Variants in FNTB observed in about 807,000 individuals in gnomAD.
FNTB encodes the protein protein farnesyltransferase subunit beta.
A neutral mutation model predicts 59.4 loss-of-function variants in FNTB; 27 were observed. The observed-to-expected ratio is 0.45, with a 90% CI of 0.34 to 0.63. The LOEUF (loss-of-function observed/expected upper bound fraction) is 0.63. Among genes scored for constraint, FNTB ranks in the 20% least tolerant of loss-of-function variants. FNTB has a pLI of 0.02. For missense variants in FNTB, 449 were observed against 559.6 expected, an observed-to-expected ratio of 0.80 and a Z score of 1.99; for synonymous variants, 230 against 220.7, an observed-to-expected ratio of 1.04 and a Z score of -0.37.
chr14:65,048,666 A>G (rs1272163190), intron 9 of FNTB, among the ~76,000 whole-genome samples: 3 of 152,212 alleles, frequency 2.0e-5, no homozygotes, highest in Non-Finnish European at 4.4e-5. Context: ...CAGCCTGGGC[A>G]ATATAGTGAG....
intron 8 of FNTB, among the ~76,000 whole-genome samples, chr14:65,042,652 T>C (rs2062378269): frequency 6.6e-6 from 1 of 152,186 alleles, no homozygotes; most frequent in African/African-American, 2.4e-5. Context: ...CTCCCTTCCA[T>C]TTGCTTTGGG....
In FNTB at chr14:65,004,280, T is replaced by A; in HGVS notation, c.176T>A (p.Phe59Tyr). 1 of 1,613,374 alleles carries A rather than the reference T, an allele frequency of 6.2e-7. No homozygotes were observed. The highest frequency in any genetic ancestry group is 8.5e-7 in the Non-Finnish European group (1 of 1,179,592). Residue 59 changes from phenylalanine (F) to tyrosine (Y), a missense_variant, in exon 2 of 12, where the codon TTC (phenylalanine) becomes TAC (tyrosine). By Grantham distance (22) the Phe-to-Tyr change is conservative. Around this residue, in one of 2 missense-constraint regions of FNTB, gnomAD observed 112 missense variants for 80.5 expected, o/e 1.39. Coordinates refer to ENST00000246166, the MANE Select transcript of FNTB (RefSeq NM_002028.4). Reference protein sequence around the residue: ...AKVEEKIQEVFSSYKFNHLVP... With the variant: ...AKVEEKIQEVYSSYKFNHLVP... ...GTAGAAGAAAAGATCCAAGAGGTCT[T>A]CAGTTCTTACAAGTTCAACCACCTT...
chr14:64,993,752 C>T (rs1231834879), intron 1 of FNTB, among the ~76,000 whole-genome samples: 1 of 152,120 alleles, frequency 6.6e-6, no homozygotes, highest in African/African-American at 2.4e-5. Flanking sequence ...TAGATAGAAG[C>T]TGTGAAAGAG....
intron 9 of FNTB, among the ~76,000 whole-genome samples, chr14:65,051,671 A>G (rs2062614393): frequency 6.6e-6 from 1 of 151,978 alleles, no homozygotes; most frequent in Admixed American, 6.6e-5. Context: ...ATCTCTTTAT[A>G]GACTGTATCA....
rs371165186 is a variant in FNTB, at chr14:65,023,753, C to CA, written c.375-3696dup. 5.3e-5 allele frequency among the ~76,000 whole-genome samples: 8 copies of CA among 152,108 alleles called. No individual in the cohort carries two copies. The highest frequency in any genetic ancestry group is 1.9e-4 in the African/African-American group (8 of 41,420). On this transcript the variant is annotated intron_variant, in intron 4 of 11. Transcript: ENST00000246166. This position sits in a 1 kb window ranked among gnomAD's most constrained non-coding sequence, Gnocchi z 4.1. ...AGCACAGATGTATCTCATTGCTACT[C>CA]AAAATGTGGTCCCCAGACCAGGAGC...
rs540378712 is a variant in FNTB at position 64,990,576 on chromosome 14, G to A, written c.144+3479G>A. The stretch of plus-strand genomic sequence containing the variant: ...CTCCAGATACTGCATTTTCTCTTGT[G>A]GTTTCCCTACACCTGCCCACATCTT... On this transcript the variant is annotated intron_variant, in intron 1 of 11. Coordinates refer to ENST00000246166, the MANE Select transcript of FNTB (RefSeq NM_002028.4). The surrounding 1 kb of genome is among the most constrained non-coding windows in gnomAD (Gnocchi z 5.2). Among the ~76,000 whole-genome samples the A allele has an allele frequency of 1.5e-3, 225 of 152,026 alleles. 2 individuals carry two copies. The highest frequency in any genetic ancestry group is 5.3e-3 in the African/African-American group (218 of 41,470).
At chr14:65,016,177 A>G (rs1444906018) in intron 4 of FNTB, among the ~76,000 whole-genome samples, 4 of 152,072 alleles carry the variant, frequency 2.6e-5, no homozygotes, top group Admixed American at 1.3e-4. Flanking sequence ...TCTTGATGGG[A>G]CTGGATGTGT....
intron 4 of FNTB, among the ~76,000 whole-genome samples, chr14:65,020,872 C>T (rs755468031): frequency 6.6e-6 from 1 of 151,422 alleles, no homozygotes; most frequent in African/African-American, 2.4e-5. Context: ...GCTAGGATTA[C>T]AGGGGTGTGC....
chr14:64,989,139 A>T (rs1381029655), intron 1 of FNTB, among the ~76,000 whole-genome samples: 2 of 152,070 alleles, frequency 1.3e-5, no homozygotes, highest in African/African-American at 4.8e-5. Flanking sequence ...TGATAGCTCA[A>T]TTTTGTGCCA....
At position 65,004,226 on chromosome 14, in the gene FNTB, C is replaced by T. The variant is rs768934987; in HGVS notation, c.145-23C>T. 3 of 1,611,136 alleles carry T rather than the reference C, an allele frequency of 1.9e-6. No individual in the cohort carries two copies. The South Asian group carries it at 3.3e-5, about 18-fold the overall frequency. Reference sequence around the variant, plus strand: ...TCTCATCTGTATTTGTTTTCTCTCTCCTATCTCCTGCATCCTTACCAGGCA... The same window carrying T: ...TCTCATCTGTATTTGTTTTCTCTCTTCTATCTCCTGCATCCTTACCAGGCA... On this transcript the variant is annotated intron_variant, in intron 1 of 11. Coordinates refer to ENST00000246166, the MANE Select transcript of FNTB (RefSeq NM_002028.4).
intron 9 of FNTB, among the ~76,000 whole-genome samples, chr14:65,046,881 T>C (rs900802287): frequency 6.6e-6 from 1 of 152,176 alleles, no homozygotes; most frequent in African/African-American, 2.4e-5. Context: ...AATCTTTCTA[T>C]AGTTAATAGG....
intron 10 of FNTB, among the ~76,000 whole-genome samples, chr14:65,053,681 C>T (rs922229675): frequency 3.3e-5 from 5 of 151,342 alleles, no homozygotes; most frequent in Admixed American, 6.6e-5. Context: ...ATTTTAAAAC[C>T]CCTCAGTGTT....
chr14:65,021,126 CT>C (rs2061878949), intron 4 of FNTB, among the ~76,000 whole-genome samples: 1 of 152,160 alleles, frequency 6.6e-6, no homozygotes, highest in Admixed American at 6.6e-5. Context: ...ATTTGCTTTG[CT>C]TAATGGTTTT....
chr14:65,026,644 G>C (rs1046006171), intron 4 of FNTB, among the ~76,000 whole-genome samples: 1 of 152,162 alleles, frequency 6.6e-6, no homozygotes, highest in Non-Finnish European at 1.5e-5. Flanking sequence ...TGGATCACTT[G>C]AGGTCAGGTA....
intron 4 of FNTB, among the ~76,000 whole-genome samples, chr14:65,017,744 T>G (rs2061805728): frequency 6.6e-6 from 1 of 151,770 alleles, no homozygotes; most frequent in South Asian, 2.1e-4. Context: ...TCACTTGAGG[T>G]CAGGAGTTTG....
At position 65,044,100 on chromosome 14, in the gene FNTB, G is replaced by GA. The variant is rs917460823; in HGVS notation, c.823-210dup. ...AGGCATTGAGCAGAGATCAGTGCTG[G>GA]ATGCCTCTACAGCGTTGGCTTAAAT... On this transcript the variant is annotated intron_variant, in intron 8 of 11. Coordinates refer to ENST00000246166, the MANE Select transcript of FNTB (RefSeq NM_002028.4). The surrounding 1 kb of genome is among the most constrained non-coding windows in gnomAD (Gnocchi z 5.5). Among the ~76,000 whole-genome samples the GA allele has an allele frequency of 2.0e-5, 3 of 152,310 alleles. No individual in the cohort carries two copies. Among genetic ancestry groups the GA allele is most frequent in the African/African-American group, 7.2e-5 (3 of 41,580 alleles).
At chr14:65,002,312 A>C (rs187992999) in intron 1 of FNTB, among the ~76,000 whole-genome samples, 1 of 152,236 alleles carries the variant, frequency 6.6e-6, no homozygotes, top group Non-Finnish European at 1.5e-5. Flanking sequence ...CAGCAAGTCA[A>C]TACACCAAGG....
intron 11 of FNTB, among the ~76,000 whole-genome samples, chr14:65,058,277 G>A (rs2062786850): frequency 6.7e-6 from 1 of 148,262 alleles, no homozygotes. Context: ...TTCGGTTAGA[G>A]TTATGTCTAA....
chr14:64,998,730 GT>G (rs1407816825), intron 1 of FNTB, among the ~76,000 whole-genome samples: 3 of 152,208 alleles, frequency 2.0e-5, no homozygotes, highest in Non-Finnish European at 4.4e-5. Flanking sequence ...TGGAGGACTT[GT>G]TAAAAGAAGT....
Sources: allele counts gnomAD v4.1 joint callset (sites outside exome capture counted in the v4.1 genomes callset), GRCh38; gene constraint gnomAD v4.1.1; regional missense constraint gnomAD v4.1.1; non-coding constraint Gnocchi (gnomAD v3.1); transcripts MANE v1.5; gene names NCBI Gene and HGNC (gene_info 2026-07-23, HGNC 2026-07-21).